Variants in CCDC91 observed in about 807,000 individuals in gnomAD.
CCDC91 encodes coiled-coil domain-containing protein 91.
A neutral mutation model predicts 63.2 loss-of-function variants in CCDC91; 48 were observed. The observed-to-expected ratio is 0.76, with a 90% confidence interval of 0.60 to 0.97. The LOEUF is 0.97. CCDC91 is among the 50% of genes least tolerant of loss of function. CCDC91 has a pLI of 0.00. For synonymous variants in CCDC91, 167 were observed against 165.8 expected (o/e 1.01, Z -0.06); for missense variants, 500 against 494.6 (o/e 1.01, Z -0.10).
chr12:28,504,015 G>A (rs1044288280), intron 12 of CCDC91, among the ~76,000 whole-genome samples: 2 of 151,718 alleles, frequency 1.3e-5, no homozygotes, highest in South Asian at 2.1e-4. Flanking sequence ...CAGCACACCA[G>A]CATGGCACAT....
chr12:28,284,671 A>T (rs1001386010), intron 3 of CCDC91, among the ~76,000 whole-genome samples: 4 of 152,054 alleles, frequency 2.6e-5, no homozygotes, highest in African/African-American at 4.8e-5. Flanking sequence ...AAAAAAGAAA[A>T]AGAAATAGTG....
intron 1 of CCDC91, among the ~76,000 whole-genome samples, chr12:28,208,280 GAA>G: frequency 1.2e-5 from 1 of 83,568 alleles, no homozygotes; most frequent in African/African-American, 4.1e-5. Flanking sequence ...AATTGACAAA[GAA>G]ATTTGGTTAT....
chr12:28,284,095 C>T (rs1293646609), intron 3 of CCDC91, among the ~76,000 whole-genome samples: 2 of 152,112 alleles, frequency 1.3e-5, no homozygotes, highest in Admixed American at 6.5e-5. Context: ...TAATTGTAAA[C>T]ATTCATGATA....
chr12:28,501,950 G>A (rs1360642970), intron 12 of CCDC91, among the ~76,000 whole-genome samples: 2 of 151,754 alleles, frequency 1.3e-5, no homozygotes, highest in Non-Finnish European at 2.9e-5. Flanking sequence ...TGTATGTGTC[G>A]AGGAATTTAT....
intron 12 of CCDC91, among the ~76,000 whole-genome samples, chr12:28,517,750 C>T (rs891345590): frequency 1.3e-5 from 2 of 151,826 alleles, no homozygotes; most frequent in African/African-American, 4.8e-5. Context: ...GCAGTATACA[C>T]TGCACCCAAT....
chr12:28,323,295 A>G (rs182050735), intron 6 of CCDC91, among the ~76,000 whole-genome samples: 3 of 151,886 alleles, frequency 2.0e-5, no homozygotes, highest in Non-Finnish European at 2.9e-5. Context: ...CTTTTGATCT[A>G]TCTGGACTTC....
chr12:28,395,346 G>A (rs541997170), intron 8 of CCDC91, among the ~76,000 whole-genome samples: 5 of 152,186 alleles, frequency 3.3e-5, no homozygotes, highest in East Asian at 1.9e-4. Context: ...GTTAACGTTC[G>A]ACTTCACAAG....
intron 7 of CCDC91, among the ~76,000 whole-genome samples, chr12:28,390,912 C>G (rs1945892020): frequency 6.7e-6 from 1 of 149,206 alleles, no homozygotes; most frequent in South Asian, 2.1e-4. Flanking sequence ...TATGTCTGGC[C>G]TTTTTTTCCT....
intron 8 of CCDC91, chr12:28,412,810 G>A: frequency 2.2e-6 from 1 of 453,492 alleles, no homozygotes; most frequent in South Asian, 1.6e-5. Flanking sequence ...CTGCTGATTG[G>A]TGCGTTTTAC....
chr12:28,351,825 A>G (rs549617017), intron 6 of CCDC91, among the ~76,000 whole-genome samples: 17 of 152,172 alleles, frequency 1.1e-4, no homozygotes, highest in African/African-American at 3.4e-4. Flanking sequence ...GGCTTGCTGT[A>G]TATCTCCTTC....
chr12:28,236,187 T>A (rs567540422), intron 1 of CCDC91: 7 of 152,038 alleles, frequency 4.6e-5, no homozygotes, highest in Non-Finnish European at 7.4e-5. Flanking sequence ...TTAATGATGA[T>A]GTTGAATTTT....
At chr12:28,194,680 A>G (rs1301775843) in intron 1 of CCDC91, among the ~76,000 whole-genome samples, 4 of 151,008 alleles carry the variant, frequency 2.6e-5, no homozygotes, top group Non-Finnish European at 5.9e-5. Flanking sequence ...TGGCTTCAGG[A>G]GTGAAGCTGC....
intron 1 of CCDC91, among the ~76,000 whole-genome samples, chr12:28,238,554 G>A (rs73263453): frequency 0.054 from 8,236 of 152,068 alleles, 646 homozygotes; most frequent in African/African-American, 0.18. Context: ...CCAGTTGACC[G>A]TGCAGTCTTA....
At chr12:28,255,176 G>C (rs1413520463) in intron 1 of CCDC91, among the ~76,000 whole-genome samples, 1 of 152,136 alleles carries the variant, frequency 6.6e-6, no homozygotes. Context: ...CATTACCACA[G>C]TCAAACAAGC....
intron 3 of CCDC91, among the ~76,000 whole-genome samples, chr12:28,273,526 G>A (rs1947944760): frequency 1.3e-5 from 2 of 152,070 alleles, no homozygotes; most frequent in Admixed American, 6.6e-5. Context: ...TTTAATGATT[G>A]CCATTCTAAC....
intron 1 of CCDC91, among the ~76,000 whole-genome samples, chr12:28,194,004 A>G (rs1014776230): frequency 1.3e-5 from 2 of 152,122 alleles, no homozygotes. Flanking sequence ...TTGTCCTTTC[A>G]TTTTCTTAAC....
rs373100859 is a variant in CCDC91 at position 28,543,289 on chromosome 12, G to A, written c.1216-5774G>A. Among the ~76,000 whole-genome samples the A allele has an allele frequency of 3.3e-5, 5 of 152,116 alleles. No individual in the cohort carries two copies. The East Asian group carries it at 9.7e-4, about 29-fold the overall frequency. On this transcript the variant is annotated intron_variant, in intron 12 of 12. Coordinates refer to ENST00000536442, the MANE Select transcript of CCDC91 (RefSeq NM_018318.5). Reference sequence around the variant, plus strand: ...AGGACTTGAACATATCTTTTTGGGGGACACAATTCAACCCATTACAATAAT... The same window carrying A: ...AGGACTTGAACATATCTTTTTGGGGAACACAATTCAACCCATTACAATAAT...
intron 6 of CCDC91, among the ~76,000 whole-genome samples, chr12:28,337,701 G>C (rs1459033054): frequency 6.6e-6 from 1 of 151,902 alleles, no homozygotes; most frequent in East Asian, 1.9e-4. Flanking sequence ...TTTAGTACTT[G>C]AAAGTTAGAA....
At chr12:28,409,406 CTCT>C (rs1248343223) in intron 8 of CCDC91, among the ~76,000 whole-genome samples, 1 of 151,960 alleles carries the variant, frequency 6.6e-6, no homozygotes, top group Non-Finnish European at 1.5e-5. Flanking sequence ...TGGTGATTAT[CTCT>C]TGTCTTAGTC....
Sources: allele counts gnomAD v4.1 joint callset (sites outside exome capture counted in the v4.1 genomes callset), GRCh38; gene constraint gnomAD v4.1.1; transcripts MANE v1.5; gene names NCBI Gene and HGNC (gene_info 2026-07-23, HGNC 2026-07-21).